TENM2: variants seen among roughly 807,000 people sequenced by gnomAD.
TENM2 encodes teneurin-2.
TENM2 carries 52 observed loss-of-function variants against 245.2 expected under a neutral mutation model. The observed-to-expected ratio is 0.21, with a 90% CI of 0.17 to 0.27. The LOEUF is 0.27. Ranked by LOEUF, TENM2 falls within the 10% of genes least tolerant of loss-of-function variation. TENM2 has a pLI of 1.00. For missense variants in TENM2, 3,046 were observed against 3,666.8 expected (o/e 0.83, Z 4.37); for synonymous variants, 1,363 against 1,438.9 (o/e 0.95, Z 1.19).
At chr5:167,801,055 G>A (rs1217304224) in intron 2 of TENM2, among the ~76,000 whole-genome samples, 1 of 129,740 alleles carries the variant, frequency 7.7e-6, no homozygotes, top group Non-Finnish European at 1.6e-5. Flanking sequence ...GACCATAGGA[G>A]TACAGTACTT....
At chr5:167,747,387 C>T (rs909869743) in intron 2 of TENM2, among the ~76,000 whole-genome samples, 4 of 152,146 alleles carry the variant, frequency 2.6e-5, no homozygotes, top group Admixed American at 2.0e-4. Context: ...TGGGTAACCT[C>T]ATATATCAAT....
chr5:168,181,851 A>G (rs931502834), intron 13 of TENM2, among the ~76,000 whole-genome samples: 3 of 151,660 alleles, frequency 2.0e-5, no homozygotes, highest in Non-Finnish European at 4.4e-5. Flanking sequence ...TAATTTTTGT[A>G]TTTTTAGTAG....
chr5:167,296,253 GC>G (rs1360470310), intron 1 of TENM2: 1 of 152,172 alleles, frequency 6.6e-6, no homozygotes, highest in Non-Finnish European at 1.5e-5. Context: ...TCGGCACTGG[GC>G]AATTGCGGTC....
At chr5:167,025,106 T>C in the TENM2 span, among the ~76,000 whole-genome samples, 2 of 152,124 alleles carry the variant, frequency 1.3e-5, no homozygotes, top group East Asian at 1.9e-4. Flanking sequence ...TGCAATCTAA[T>C]AGAAATATAA....
chr5:167,017,872 T>C, the TENM2 span, among the ~76,000 whole-genome samples: 124,990 of 152,048 alleles, frequency 0.82, 51,778 homozygotes, highest in Admixed American at 0.89. Flanking sequence ...ACATTACCGT[T>C]GTCACGGACA....
At chr5:167,121,947 A>G in the TENM2 span, among the ~76,000 whole-genome samples, 1 of 152,204 alleles carries the variant, frequency 6.6e-6, no homozygotes, top group African/African-American at 2.4e-5. Flanking sequence ...CTTCTAGAGA[A>G]TCTCAAAAAA....
intron 4 of TENM2, among the ~76,000 whole-genome samples, chr5:167,957,605 G>A (rs538969307): frequency 1.3e-5 from 2 of 152,176 alleles, no homozygotes; most frequent in African/African-American, 4.8e-5. Flanking sequence ...TCTCCTATGG[G>A]CATTTAGTGC....
chr5:167,922,819 C>G (rs1376412798), intron 3 of TENM2, among the ~76,000 whole-genome samples: 1 of 152,190 alleles, frequency 6.6e-6, no homozygotes. Flanking sequence ...TCACTCCCTC[C>G]TCTTTCAGAT....
chr5:167,801,514 A>G (rs1765770483), intron 2 of TENM2, among the ~76,000 whole-genome samples: 1 of 152,098 alleles, frequency 6.6e-6, no homozygotes. Flanking sequence ...TACAGGATGG[A>G]GAGAATGGAG....
At chr5:167,535,914 G>T (rs549231740) in intron 2 of TENM2, among the ~76,000 whole-genome samples, 1 of 152,184 alleles carries the variant, frequency 6.6e-6, no homozygotes, top group Non-Finnish European at 1.5e-5. Flanking sequence ...ACCTGCTTAT[G>T]GTTGTGCAGG....
At chr5:167,905,449 G>A (rs959821701) in intron 3 of TENM2, among the ~76,000 whole-genome samples, 4 of 152,178 alleles carry the variant, frequency 2.6e-5, no homozygotes, top group Non-Finnish European at 5.9e-5. Flanking sequence ...ACAGTGGCAC[G>A]CTGTCAGTAG....
chr5:167,745,799 A>G (rs1250208502), intron 2 of TENM2, among the ~76,000 whole-genome samples: 2 of 152,184 alleles, frequency 1.3e-5, no homozygotes, highest in Admixed American at 6.5e-5. Flanking sequence ...AGGTTCATCT[A>G]TGCATAGCAT....
chr5:167,435,110 T>G (rs1764467555), intron 2 of TENM2, among the ~76,000 whole-genome samples: 2 of 152,170 alleles, frequency 1.3e-5, no homozygotes, highest in African/African-American at 4.8e-5. Context: ...AATTCTCCAA[T>G]AAGCAGAGTC....
In TENM2 at chr5:168,090,590, G is replaced by T. The variant is rs780826278; in HGVS notation, c.1532G>T (p.Arg511Leu). The T allele has an allele frequency of 3.7e-6, 6 of 1,612,890 alleles. No individual in the cohort carries two copies. In the African/African-American group the frequency reaches 6.7e-5, roughly 18 times the overall value. ...TTTTCCCAGTATGACTTCATGGAAC[G>T]TCTGGACGGGAAGGAGAAGTGGAGT... Residue 511 changes from arginine (R) to leucine (L), a missense_variant, in exon 8 of 29, where the codon CGT becomes CTT. Arg to Leu is a moderately radical substitution (Grantham distance 102). Transcript: ENST00000518659.
intron 2 of TENM2, among the ~76,000 whole-genome samples, chr5:167,507,487 A>G (rs899140209): frequency 7.2e-5 from 11 of 152,206 alleles, no homozygotes; most frequent in African/African-American, 2.7e-4. Context: ...TTCTAAAAAA[A>G]TTAGGACACA....
intron 2 of TENM2, among the ~76,000 whole-genome samples, chr5:167,483,394 C>T (rs1174960446): frequency 2.0e-5 from 3 of 152,118 alleles, no homozygotes; most frequent in Non-Finnish European, 4.4e-5. Context: ...CATGCAGAAA[C>T]GCTGATTAAA....
At chr5:167,108,883 G>T in the TENM2 span, among the ~76,000 whole-genome samples, 1 of 152,160 alleles carries the variant, frequency 6.6e-6, no homozygotes, top group African/African-American at 2.4e-5. Flanking sequence ...TTTAAAGTCA[G>T]TCTTTTGGAG....
chr5:167,986,703 G>A lies in TENM2; in HGVS notation c.948-6241G>A, dbSNP rs144117418. ...CATTTTTGCTGATGCCTGGAGTCCCGAGCTGAGCTACTTCCATGACCGACC... is the reference window on the plus strand; with the variant it reads ...CATTTTTGCTGATGCCTGGAGTCCCAAGCTGAGCTACTTCCATGACCGACC... On this transcript the variant is annotated intron_variant, in intron 4 of 28. Coordinates refer to ENST00000518659, the Ensembl canonical transcript of TENM2. 2.3e-3 allele frequency among the ~76,000 whole-genome samples: 357 copies of A among 152,252 alleles called. No individual in the cohort carries two copies. The Middle Eastern group carries it at 0.024, about 10-fold the overall frequency.
intron 2 of TENM2, among the ~76,000 whole-genome samples, chr5:167,521,459 A>G (rs1237185267): frequency 1.3e-5 from 2 of 152,190 alleles, no homozygotes; most frequent in African/African-American, 4.8e-5. Context: ...GGTGAAAACC[A>G]CTAAATTTAC....
Sources: allele counts gnomAD v4.1 joint callset (sites outside exome capture counted in the v4.1 genomes callset), GRCh38; gene constraint gnomAD v4.1.1; transcripts MANE v1.5; gene names NCBI Gene and HGNC (gene_info 2026-07-23, HGNC 2026-07-21).